The following ZNFX1 variants were observed in gnomAD, a reference collection of about 807,000 sequenced individuals.
The protein encoded by ZNFX1 is NFX1-type zinc finger-containing protein 1.
Under a neutral mutation model 179.8 loss-of-function variants are expected in ZNFX1, and 78 were observed. The ratio of observed to expected loss-of-function variants is 0.43; its 90% CI spans 0.36 to 0.52. ZNFX1 has a LOEUF of 0.52. ZNFX1 is among the 20% of genes least tolerant of loss of function. ZNFX1 has a pLI of 0.00. For missense variants in ZNFX1, 1,927 were observed against 2,386.6 expected, an observed-to-expected ratio of 0.81 and a Z score of 4.01; for synonymous variants, 848 against 868.5, an observed-to-expected ratio of 0.98 and a Z score of 0.42.
intron 9 of ZNFX1, among the ~76,000 whole-genome samples, chr20:49,255,286 G>A (rs1186887679): frequency 1.3e-5 from 2 of 151,710 alleles, no homozygotes; most frequent in Non-Finnish European, 2.9e-5. Context: ...CTTGTGATCC[G>A]CCTGTCTCGG....
rs1175612247 is a variant in ZNFX1 at position 49,275,130 on chromosome 20, A to AAT, written c.61+648_61+649insAT. ...AGAGCGAGACTCTGTCTCAAAAAAA[A>AAT]AAAATAAAATAAAAAATAAAAACTT... On this transcript the variant is annotated intron_variant, in intron 2 of 13. Transcript: ENST00000396105. Among the ~76,000 whole-genome samples the AAT allele has an allele frequency of 4.6e-5, 7 of 152,236 alleles. No homozygotes were observed. In the East Asian group the frequency reaches 7.7e-4, roughly 17 times the overall value.
At position 49,269,994 on chromosome 20, in the gene ZNFX1, C is replaced by T; in HGVS notation, c.1818G>A (p.Leu606=). ...LKLDDSQMEA[L]QFALTRELAI... ...CCAGTTCCCTTGTGAGAGCAAACTG[C>T]AAGGCTTCCATCTGGGAGTCATCCA... is the stretch of plus-strand genomic sequence containing the variant. The change falls in exon 3 of 14, where the codon TTG becomes TTA. Residue 606 remains leucine, a synonymous_variant. Coordinates refer to ENST00000396105, the MANE Select transcript of ZNFX1 (RefSeq NM_021035.3). 1 of 1,613,834 alleles carries T rather than the reference C, an allele frequency of 6.2e-7. No homozygotes were observed. Among genetic ancestry groups the T allele is most frequent in the Non-Finnish European group, 8.5e-7 (1 of 1,179,964 alleles).
In ZNFX1 at chr20:49,247,986, C is replaced by T; in HGVS notation, c.5038G>A (p.Glu1680Lys). Residue 1680 changes from glutamate to lysine, a missense_variant, in exon 14 of 14, where the codon GAA (glutamate) becomes AAA (lysine). Physicochemically the swap from Glu to Lys is moderately conservative, Grantham distance 56. Transcript: ENST00000396105. The stretch of plus-strand genomic sequence containing the variant: ...TTCTCCTTTAACATCAGGAAGTCTT[C>T]AGGAAGCAGCTGGTGGAGGAGGCTC... ...RKSLLHQLLP[E>K]DFLMLKEKLA... is the part of the protein sequence containing the mutation. The T allele has an allele frequency of 6.2e-7, 1 of 1,614,094 alleles. No homozygotes were observed.
rs1452040574 is a variant in ZNFX1, at chr20:49,257,476, G to C, written c.2605C>G (p.Leu869Val). The change falls in exon 8 of 14, where the codon CTA becomes GTA. Residue 869 changes from leucine to valine, a missense_variant. Leu to Val is a conservative substitution (Grantham distance 32). Transcript: ENST00000396105. ...GCTGTCCCAGTGCCACAATGGTCTAGCCTCATGGCCAGAAGCATTTTAGCC... is the reference window on the plus strand; with the variant it reads ...GCTGTCCCAGTGCCACAATGGTCTACCCTCATGGCCAGAAGCATTTTAGCC... Reference protein sequence around the residue: ...ELAKMLLAMRLDHCGTGTAAG... With the variant: ...ELAKMLLAMRVDHCGTGTAAG... 1 of 1,614,042 alleles carries C rather than the reference G, an allele frequency of 6.2e-7. No individual in the cohort carries two copies. The highest frequency in any genetic ancestry group is 1.1e-5 in the South Asian group (1 of 91,076).
At position 49,262,179 on chromosome 20, in the gene ZNFX1, C is replaced by A. The variant is rs573981789; in HGVS notation, c.2301+1155G>T. 4.0e-5 allele frequency among the ~76,000 whole-genome samples: 6 copies of A among 151,612 alleles called. No homozygotes were observed. The East Asian group carries it at 9.8e-4, about 25-fold the overall frequency. On this transcript the variant is annotated intron_variant, in intron 6 of 13. Transcript: ENST00000396105. ...CCTATAATCCCAGCACTTTGGAGAGCCGAGGTGGGCGGGTCACCTGAGGTC... is the reference window on the plus strand; with the variant it reads ...CCTATAATCCCAGCACTTTGGAGAGACGAGGTGGGCGGGTCACCTGAGGTC...
chr20:49,249,887 T>G (rs1190090113), intron 13 of ZNFX1, among the ~76,000 whole-genome samples, 176 bp from the exon 14 acceptor site: 1 of 152,222 alleles, frequency 6.6e-6, no homozygotes, highest in East Asian at 1.9e-4. Context: ...TGCTTCATTT[T>G]GGGGCCACAG....
chr20:49,275,720 C>A, intron 2 of ZNFX1, 59 bp downstream of exon 2: 2 of 1,513,434 alleles, frequency 1.3e-6, no homozygotes, highest in East Asian at 2.3e-5. Context: ...TATAGAGAGC[C>A]CTATTTCCTT....
At chr20:49,267,385 G>C (rs1396588896) in intron 3 of ZNFX1, among the ~76,000 whole-genome samples, 1 of 151,728 alleles carries the variant, frequency 6.6e-6, no homozygotes, top group African/African-American at 2.4e-5. Context: ...ACTGCAGCCT[G>C]AACACCTGTT....
chr20:49,258,349 A>C (rs1422205981), intron 7 of ZNFX1, among the ~76,000 whole-genome samples: 2 of 151,880 alleles, frequency 1.3e-5, no homozygotes, highest in African/African-American at 2.4e-5. Context: ...CGGCCTCCCA[A>C]AGTGCTGGGA....
chr20:49,249,074 T>G lies in ZNFX1; in HGVS notation c.3950A>C (p.Gln1317Pro), dbSNP rs770909815. The G allele has an allele frequency of 2.5e-6, 4 of 1,614,108 alleles. No homozygotes were observed. In the Admixed American group the frequency reaches 5.0e-5, roughly 20 times the overall value. The change falls in exon 14 of 14, where the codon CAA (glutamine) becomes CCA (proline). Residue 1317 changes from glutamine (Q) to proline (P), a missense_variant. Physicochemically the swap from Gln to Pro is moderately conservative, Grantham distance 76 (BLOSUM62 -1). Transcript: ENST00000396105. ...GACCTTCTGGCATGGCTTCATGCAT[T>G]GGAACTCCTTGTGTGAAGAGTCATA... ...HPYDSSHKEF[Q>P]CMKPCQKVIC... is the part of the protein sequence containing the mutation.
In ZNFX1 at chr20:49,271,204, C is replaced by T. The variant is rs1981381888; in HGVS notation, c.608G>A (p.Ser203Asn). The change falls in exon 3 of 14, where the codon AGT becomes AAT. Residue 203 changes from serine (S) to asparagine (N), a missense_variant. Coordinates refer to ENST00000396105, the MANE Select transcript of ZNFX1 (RefSeq NM_021035.3). Reference sequence around the variant, plus strand: ...CAATATGCCCAGTACATGGAGAACACTCTGGCGATCCATTTTGGAGCTACA... The same window carrying T: ...CAATATGCCCAGTACATGGAGAACATTCTGGCGATCCATTTTGGAGCTACA... Reference protein sequence around the residue: ...KACSSKMDRQSVLHVLGILKN... With the variant: ...KACSSKMDRQNVLHVLGILKN... 1.2e-6 allele frequency: 2 copies of T among 1,614,122 alleles called. No homozygotes were observed. Among genetic ancestry groups the T allele is most frequent in the East Asian group, 4.5e-5 (2 of 44,886 alleles).
chr20:49,269,791 A>G, intron 3 of ZNFX1, 151 bp downstream of exon 3: 2 of 913,048 alleles, frequency 2.2e-6, no homozygotes, highest in Non-Finnish European at 3.2e-6. Context: ...TACACATGTA[A>G]CAAACCTGCA....
At chr20:49,254,988 G>A (rs1234833151) in intron 9 of ZNFX1, among the ~76,000 whole-genome samples, 1 of 150,992 alleles carries the variant, frequency 6.6e-6, no homozygotes, top group Non-Finnish European at 1.5e-5. Flanking sequence ...TATTTTATTA[G>A]TAAAACTGAT....
chr20:49,264,648 A>C, intron 5 of ZNFX1, 68 bp downstream of exon 5: 1 of 1,577,066 alleles, frequency 6.3e-7, no homozygotes, highest in South Asian at 1.2e-5. Context: ...CTGCCTACCC[A>C]GAAAGCCACT....
intron 7 of ZNFX1, among the ~76,000 whole-genome samples, chr20:49,259,130 AT>A (rs1446355048): frequency 8.7e-5 from 13 of 149,822 alleles, no homozygotes; most frequent in South Asian, 4.2e-4. Context: ...AAATAAATAA[AT>A]AAATAAATAA....
At chr20:49,268,522 G>A (rs1700305010) in intron 3 of ZNFX1, among the ~76,000 whole-genome samples, 1 of 152,012 alleles carries the variant, frequency 6.6e-6, no homozygotes. Context: ...TTGACAAGTG[G>A]TACCTAATTA....
At chr20:49,253,841 T>A in intron 10 of ZNFX1, 30 bp from the exon 11 acceptor site, 2 of 1,612,122 alleles carry the variant, frequency 1.2e-6, no homozygotes, top group Non-Finnish European at 1.7e-6. Context: ...GAAAGGCTCC[T>A]CTGAGCTGAG....
chr20:49,263,319 C>T lies in ZNFX1; in HGVS notation c.2301+15G>A. On this transcript the variant is annotated intron_variant, in intron 6 of 13. Coordinates refer to ENST00000396105, the MANE Select transcript of ZNFX1 (RefSeq NM_021035.3). The stretch of plus-strand genomic sequence containing the variant: ...AGGCCAGAGACATATTTGTGTCCCC[C>T]AGGATGACCCCTACCTGCACTGGTC... 6.2e-7 allele frequency: 1 copy of T among 1,611,586 alleles called. No homozygotes were observed. The highest frequency in any genetic ancestry group is 8.5e-7 in the Non-Finnish European group (1 of 1,179,208).
chr20:49,267,160 T>C (rs1383239249), intron 3 of ZNFX1, among the ~76,000 whole-genome samples: 1 of 152,150 alleles, frequency 6.6e-6, no homozygotes, highest in Admixed American at 6.5e-5. Flanking sequence ...CCTCCCAAAG[T>C]GCTGGGATTA....
Sources: gnomAD v4.1 joint callset for allele counts (sites outside exome capture counted in the v4.1 genomes callset) on GRCh38, gnomAD v4.1.1 for gene constraint, MANE v1.5 for transcripts, NCBI Gene and HGNC (gene_info 2026-07-23, HGNC 2026-07-21) for gene names.